The following JPT1 variants were observed in gnomAD, a reference collection of about 807,000 sequenced individuals.
JPT1 encodes the protein Jupiter microtubule associated homolog 1.
In JPT1, 5 loss-of-function variants were observed where a neutral mutation model predicts 17.0. The ratio of observed to expected loss-of-function variants is 0.29; its 90% CI spans 0.15 to 0.62. JPT1 has a LOEUF of 0.62. JPT1 is among the 20% of genes least tolerant of loss of function. The pLI is 0.85. For synonymous variants in JPT1, 71 were observed against 73.6 expected (o/e 0.96, Z 0.18); for missense variants, 158 against 188.1 (o/e 0.84, Z 0.94).
In JPT1 at chr17:75,135,247, GT is replaced by G. The variant is rs1484820697; in HGVS notation, c.*854del. ...TCAAAAAGAAGACACAGTACACAGTGTTTCAAAATGTGGATATTGTTTACTT... is the reference window on the plus strand; with the variant it reads ...TCAAAAAGAAGACACAGTACACAGTGTTCAAAATGTGGATATTGTTTACTT... On this transcript the variant is annotated 3_prime_UTR_variant, in exon 5 of 5. Coordinates refer to ENST00000409753, the MANE Select transcript of JPT1 (RefSeq NM_016185.4). The G allele has an allele frequency of 3.3e-5, 5 of 152,664 alleles. No homozygotes were observed. Among genetic ancestry groups the G allele is most frequent in the African/African-American group, 1.2e-4 (5 of 41,462 alleles). The allele number at this position is 152,664 out of a possible 1,614,324, so 9.5% of individuals were successfully genotyped here. A position where few individuals can be genotyped will look rare whatever the true frequency, so the allele number is the denominator to read the frequency against.
At chr17:75,144,213 G>C (rs1328227255) in intron 4 of JPT1, among the ~76,000 whole-genome samples, 2 of 152,038 alleles carry the variant, frequency 1.3e-5, no homozygotes, top group African/African-American at 4.8e-5. Context: ...CTGTTTATTT[G>C]TATCCTTTCA....
chr17:75,140,283 A>C (rs950405103), intron 4 of JPT1, among the ~76,000 whole-genome samples: 1 of 152,192 alleles, frequency 6.6e-6, no homozygotes, highest in African/African-American at 2.4e-5. Context: ...AATTTAAAAA[A>C]AAAAAGGGCT....
intron 4 of JPT1, among the ~76,000 whole-genome samples, chr17:75,142,574 G>A (rs2074336556): frequency 1.1e-5 from 1 of 92,664 alleles, no homozygotes; most frequent in Non-Finnish European, 2.2e-5. Flanking sequence ...GGAGGGGAGG[G>A]GAGAGGGAGG....
intron 1 of JPT1, chr17:75,149,306 G>A: frequency 3.3e-6 from 1 of 301,992 alleles, no homozygotes; most frequent in South Asian, 2.6e-5. Context: ...AGTGAGCTGT[G>A]TTCACACCGC....
At chr17:75,137,424 A>G (rs569993348) in intron 4 of JPT1, among the ~76,000 whole-genome samples, 4 of 151,674 alleles carry the variant, frequency 2.6e-5, no homozygotes, top group Non-Finnish European at 5.9e-5. Flanking sequence ...TACCTCAATC[A>G]CAGCCCACTG....
intron 4 of JPT1, chr17:75,138,386 TTAA>T (rs2074247711): frequency 6.6e-6 from 1 of 151,978 alleles, no homozygotes; most frequent in Non-Finnish European, 1.5e-5. Context: ...GTAAGGGCAG[TTAA>T]TAATGCTCCT....
chr17:75,154,015 A>T lies in JPT1; in HGVS notation c.56+327T>A, dbSNP rs539205963. 2.3e-3 allele frequency: 415 copies of T among 178,296 alleles called. 1 individual carries two copies. The highest frequency in any genetic ancestry group is 4.0e-3 in the Non-Finnish European group (346 of 85,686). The allele number at this position is 178,296 out of a possible 1,614,324, so 11.0% of individuals were successfully genotyped here. A position where few individuals can be genotyped will look rare whatever the true frequency, so the allele number is the denominator to read the frequency against. On this transcript the variant is annotated intron_variant, in intron 1 of 4. Transcript: ENST00000409753. ...CCACCCTGGGGATGCACCAGCCGGG[A>T]TGCACACAGGAGAAAGCGAAGCCCT...
In JPT1 at chr17:75,154,131, A is replaced by G. The variant is rs1158370768; in HGVS notation, c.56+211T>C. ...GCCCCTGACTCCGTGGAAGGAATGA[A>G]TGGAGAGCAGCAGGGACCCGGGTGG... On this transcript the variant is annotated intron_variant, in intron 1 of 4. Coordinates refer to ENST00000409753, the MANE Select transcript of JPT1 (RefSeq NM_016185.4). 13 of 262,304 alleles carry G rather than the reference A, an allele frequency of 5.0e-5. No individual in the cohort carries two copies. The East Asian group carries it at 1.0e-3, about 21-fold the overall frequency. The allele number at this position is 262,304 out of a possible 1,614,324, so 16.2% of individuals were successfully genotyped here.
chr17:75,137,159 A>G (rs2074214310), intron 4 of JPT1, among the ~76,000 whole-genome samples: 1 of 152,142 alleles, frequency 6.6e-6, no homozygotes. Flanking sequence ...TCTGACAGCA[A>G]AAAAACTGGA....
intron 4 of JPT1, among the ~76,000 whole-genome samples, chr17:75,136,586 G>A (rs906488906): frequency 3.3e-5 from 5 of 152,154 alleles, no homozygotes; most frequent in African/African-American, 1.2e-4. Flanking sequence ...CCACTTCCCA[G>A]GTTCAAGCAA....
chr17:75,149,431 G>A (rs1439193791), intron 1 of JPT1, among the ~76,000 whole-genome samples: 1 of 152,044 alleles, frequency 6.6e-6, no homozygotes, highest in Admixed American at 6.6e-5. Flanking sequence ...GCAGTGGCGC[G>A]ATCTCAGCTC....
In JPT1 at chr17:75,135,487, C is replaced by G. The variant is rs959012935; in HGVS notation, c.*615G>C. ...CAGTTTCATTGTACATCCAAGCCTTCCTCTGCGTGAGAGCAAAGGCTTTGC... is the reference window on the plus strand; with the variant it reads ...CAGTTTCATTGTACATCCAAGCCTTGCTCTGCGTGAGAGCAAAGGCTTTGC... On this transcript the variant is annotated 3_prime_UTR_variant, in exon 5 of 5. Transcript: ENST00000409753. The G allele has an allele frequency of 6.6e-6, 1 of 152,332 alleles. No homozygotes were observed. 9.4% of individuals were successfully genotyped at this position (152,332 alleles called of 1,614,324 possible).
intron 4 of JPT1, among the ~76,000 whole-genome samples, chr17:75,144,520 TAAAA>T (rs895575393): frequency 2.0e-5 from 3 of 150,594 alleles, no homozygotes; most frequent in African/African-American, 4.9e-5. Context: ...TAGAAAAAAA[TAAAA>T]AAAAATGTAT....
In JPT1 at chr17:75,151,450, G is replaced by A. The variant is rs372586195; in HGVS notation, c.57-2779C>T. Among the ~76,000 whole-genome samples the A allele has an allele frequency of 3.9e-4, 60 of 152,204 alleles. No individual in the cohort carries two copies. In the East Asian group the frequency reaches 5.0e-3, roughly 13 times the overall value. On this transcript the variant is annotated intron_variant, in intron 1 of 4. Coordinates refer to ENST00000409753, the MANE Select transcript of JPT1 (RefSeq NM_016185.4). ...AGGCAGGCAGATCACAAGGTCAAGA[G>A]ATCAAGACCATCCTGGCCAACATGG... is the stretch of plus-strand genomic sequence containing the variant.
chr17:75,154,431 C>T lies in JPT1; in HGVS notation c.-34G>A. 1.3e-6 allele frequency: 2 copies of T among 1,544,400 alleles called. No homozygotes were observed. The highest frequency in any genetic ancestry group is 1.2e-5 in the South Asian group (1 of 83,786). ...GGAGCGAGGTAGGCTGGCGCCGGAG[C>T]AGAACGCTCAAAGGGTCGGACCCGA... On this transcript the variant is annotated 5_prime_UTR_variant, in exon 1 of 5. Coordinates refer to ENST00000409753, the MANE Select transcript of JPT1 (RefSeq NM_016185.4).
At chr17:75,149,058 T>C (rs2074493473) in intron 1 of JPT1, 2 of 1,278,834 alleles carry the variant, frequency 1.6e-6, no homozygotes, top group Non-Finnish European at 2.0e-6. Flanking sequence ...TATTATTCAT[T>C]TAAAAATCAT....
intron 3 of JPT1, 122 bp downstream of exon 3, chr17:75,147,434 G>A (rs2074461024): frequency 1.4e-5 from 9 of 659,536 alleles, no homozygotes; most frequent in South Asian, 1.0e-4. Flanking sequence ...TTATCAATAT[G>A]GCCCAGTCCC....
chr17:75,146,973 G>A (rs1157396353), intron 3 of JPT1, among the ~76,000 whole-genome samples: 2 of 152,286 alleles, frequency 1.3e-5, no homozygotes, highest in Non-Finnish European at 2.9e-5. Context: ...TATTAGAATG[G>A]AAAACTGGTA....
At chr17:75,150,690 C>CT (rs201038813) in intron 1 of JPT1, among the ~76,000 whole-genome samples, 81 of 150,844 alleles carry the variant, frequency 5.4e-4, no homozygotes, top group East Asian at 1.6e-3. Context: ...GCCCAGCCAA[C>CT]TTTTTTTTTA....
Sources: allele counts gnomAD v4.1 joint callset (sites outside exome capture counted in the v4.1 genomes callset), GRCh38; gene constraint gnomAD v4.1.1; transcripts MANE v1.5; gene names NCBI Gene and HGNC (gene_info 2026-07-23, HGNC 2026-07-21).